DPP10: variants seen among roughly 807,000 people sequenced by gnomAD.
DPP10 encodes the protein dipeptidyl peptidase like 10.
A neutral mutation model predicts 120.9 loss-of-function variants in DPP10; 33 were observed. That is an observed-to-expected ratio of 0.27 (90% CI 0.21 to 0.37). The LOEUF (loss-of-function observed/expected upper bound fraction) is 0.37. Among genes scored for constraint, DPP10 ranks in the 10% least tolerant of loss-of-function variants. DPP10 has a pLI of 1.00. For synonymous variants in DPP10, 337 were observed against 326.1 expected (o/e 1.03, Z -0.36); for missense variants, 816 against 942.8 (o/e 0.87, Z 1.76).
chr2:115,064,664 G>C (rs59975834), intron 1 of DPP10: 78,794 of 1,292,144 alleles, frequency 0.061, 3,844 homozygotes, highest in African/African-American at 0.25. Context: ...AGAACTGGAA[G>C]CATGAGTGAG....
At position 114,683,667 on chromosome 2, in the gene DPP10, G is replaced by A. The variant is rs116224601; in HGVS notation, c.60+240829G>A. ...CACAACAAAGAATGCAATCATGACA[G>A]TGAATATGAGAGAAGGTTTTCTTCG... On this transcript the variant is annotated intron_variant, in intron 1 of 25. Transcript: ENST00000410059. Among the ~76,000 whole-genome samples, 1,146 of 150,648 alleles carry A rather than the reference G, an allele frequency of 7.6e-3. 13 individuals carry two copies. The highest frequency in any genetic ancestry group is 0.026 in the African/African-American group (1,078 of 41,160).
intron 1 of DPP10, among the ~76,000 whole-genome samples, chr2:114,810,144 T>C (rs1685060028): frequency 6.6e-6 from 1 of 152,230 alleles, no homozygotes; most frequent in Non-Finnish European, 1.5e-5. Context: ...GTTTCTCAAG[T>C]TACCAAGACT....
intron 1 of DPP10, among the ~76,000 whole-genome samples, chr2:115,282,111 A>G (rs935255072): frequency 6.6e-6 from 1 of 152,072 alleles, no homozygotes; most frequent in Non-Finnish European, 1.5e-5. Context: ...GAAACAAGCA[A>G]TCAACTGAAT....
At chr2:114,607,094 C>T (rs1331171376) in intron 1 of DPP10, among the ~76,000 whole-genome samples, 1 of 152,128 alleles carries the variant, frequency 6.6e-6, no homozygotes, top group Non-Finnish European at 1.5e-5. Context: ...AAGATTAATT[C>T]TTACAAAGTT....
At chr2:114,589,338 C>T (rs2105145522) in intron 1 of DPP10, among the ~76,000 whole-genome samples, 1 of 152,312 alleles carries the variant, frequency 6.6e-6, no homozygotes, top group South Asian at 2.1e-4. Flanking sequence ...TAACCCCCTT[C>T]CTGCTGAAAA....
At chr2:115,563,089 A>G (rs368350281) in intron 5 of DPP10, among the ~76,000 whole-genome samples, 19 of 152,346 alleles carry the variant, frequency 1.2e-4, no homozygotes, top group African/African-American at 3.8e-4. Context: ...TATGAACATC[A>G]TGGGCAAAGT....
chr2:114,976,421 C>T (rs1033752685), intron 1 of DPP10, among the ~76,000 whole-genome samples: 56 of 152,260 alleles, frequency 3.7e-4, no homozygotes, highest in African/African-American at 1.3e-3. Context: ...CTGAATTTAT[C>T]ATTGGGCAGG....
Position 115,842,503 on chromosome 2 carries a change from C to A in DPP10, c.*158C>A. ...GACAGTGAACTAGCATTTGAATACA[C>A]AAGTCCAAGTCTACTGTGTTGCTAG... On this transcript the variant is annotated 3_prime_UTR_variant, in exon 26 of 26. Coordinates refer to ENST00000410059, the MANE Select transcript of DPP10 (RefSeq NM_020868.6). The A allele has an allele frequency of 1.3e-6, 1 of 782,364 alleles. No homozygotes were observed. Among genetic ancestry groups the A allele is most frequent in the Non-Finnish European group, 1.9e-6 (1 of 533,740 alleles). The allele number at this position is 782,364 out of a possible 1,614,324, so 48.5% of individuals were successfully genotyped here. A position where few individuals can be genotyped will look rare whatever the true frequency, so the allele number is the denominator to read the frequency against.
chr2:114,838,298 G>C (rs1188947414), intron 1 of DPP10, among the ~76,000 whole-genome samples: 1 of 152,056 alleles, frequency 6.6e-6, no homozygotes, highest in Non-Finnish European at 1.5e-5. Context: ...TAATTCTTAA[G>C]TCTTGTTTTT....
intron 1 of DPP10, among the ~76,000 whole-genome samples, chr2:114,750,149 G>A (rs1475602060): frequency 6.6e-6 from 1 of 151,976 alleles, no homozygotes; most frequent in Non-Finnish European, 1.5e-5. Context: ...AAAATGGAGA[G>A]TCAAGTAATC....
intron 5 of DPP10, among the ~76,000 whole-genome samples, chr2:115,551,395 G>T (rs1055188947): frequency 1.3e-5 from 2 of 152,244 alleles, no homozygotes; most frequent in South Asian, 4.1e-4. Context: ...AAGGCTCTGG[G>T]TGTGGCAGTG....
intron 3 of DPP10, among the ~76,000 whole-genome samples, chr2:115,345,465 A>G (rs2063666224): frequency 2.0e-5 from 3 of 152,218 alleles, no homozygotes; most frequent in African/African-American, 7.2e-5. Context: ...CTCTTTAGCA[A>G]ATATTTTCTA....
chr2:115,543,600 C>T (rs2079307789), intron 5 of DPP10, among the ~76,000 whole-genome samples: 1 of 151,820 alleles, frequency 6.6e-6, no homozygotes, highest in African/African-American at 2.4e-5. Flanking sequence ...TTTCTAACAC[C>T]GCATATAAAC....
intron 1 of DPP10, among the ~76,000 whole-genome samples, chr2:114,699,710 G>A (rs531303184): frequency 6.6e-6 from 1 of 152,184 alleles, no homozygotes; most frequent in African/African-American, 2.4e-5. Flanking sequence ...GGGACTTGAA[G>A]GTTTCCCAAT....
intron 1 of DPP10, among the ~76,000 whole-genome samples, chr2:115,286,510 T>TA (rs2060391039): frequency 6.5e-5 from 2 of 30,602 alleles, no homozygotes; most frequent in Admixed American, 7.6e-4. Context: ...ATATTACATA[T>TA]ATAATATATA....
intron 5 of DPP10, among the ~76,000 whole-genome samples, chr2:115,587,377 T>G (rs1474402514): frequency 1.3e-5 from 2 of 152,142 alleles, no homozygotes; most frequent in African/African-American, 4.8e-5. Context: ...ATTGTCCTTT[T>G]TCCTACTCCT....
chr2:114,530,930 AT>A (rs1369365212), intron 1 of DPP10, among the ~76,000 whole-genome samples: 2 of 152,130 alleles, frequency 1.3e-5, no homozygotes, highest in African/African-American at 4.8e-5. Flanking sequence ...GCATAAGTAA[AT>A]TATCCAGAAT....
At chr2:115,786,652 G>A (rs2149891857) in intron 17 of DPP10, among the ~76,000 whole-genome samples, 1 of 152,234 alleles carries the variant, frequency 6.6e-6, no homozygotes, top group South Asian at 2.1e-4. Context: ...TGGCTTTCTT[G>A]TTAATAGAAA....
intron 1 of DPP10, among the ~76,000 whole-genome samples, chr2:115,142,477 T>C (rs1032297122): frequency 2.0e-5 from 3 of 152,070 alleles, no homozygotes; most frequent in Admixed American, 1.3e-4. Context: ...GAAGCCAACA[T>C]TGCTGGTCTA....
Sources: gnomAD v4.1 joint callset for allele counts (sites outside exome capture counted in the v4.1 genomes callset) on GRCh38, gnomAD v4.1.1 for gene constraint, MANE v1.5 for transcripts, NCBI Gene and HGNC (gene_info 2026-07-23, HGNC 2026-07-21) for gene names.